DHRSX: variants seen among roughly 807,000 people sequenced by gnomAD.
DHRSX encodes the protein dehydrogenase/reductase X-linked.
In DHRSX, 31 loss-of-function variants were observed where a neutral mutation model predicts 34.0. That is an observed-to-expected ratio of 0.91 (90% CI 0.69 to 1.23). DHRSX has a LOEUF of 1.23. DHRSX is among the 50% of genes most tolerant of loss of function. The pLI is 0.00. For synonymous variants in DHRSX, 201 were observed against 183.8 expected (o/e 1.09, Z -0.76); for missense variants, 414 against 428.1 (o/e 0.97, Z 0.29).
intron 1 of DHRSX, chrX:2,487,188 C>T (rs2081867813): frequency 6.6e-6 from 1 of 152,180 alleles, no homozygotes; most frequent in South Asian, 2.1e-4. Context: ...AAAACCCCTC[C>T]GGGGGCAATA....
chrX:2,299,118 T>C (rs1174218748), intron 3 of DHRSX, among the ~76,000 whole-genome samples: 1 of 151,986 alleles, frequency 6.6e-6, no homozygotes, highest in African/African-American at 2.4e-5. Flanking sequence ...AGTGACGAGA[T>C]GCTCCATTTA....
chrX:2,334,372 C>G (rs754482772), intron 3 of DHRSX: 2 of 152,060 alleles, frequency 1.3e-5, no homozygotes, highest in East Asian at 3.9e-4. Flanking sequence ...ACCATGTTCG[C>G]TAGACTGGTC....
intron 1 of DHRSX, among the ~76,000 whole-genome samples, chrX:2,437,698 AGTGTGTGT>A (rs57675169): frequency 4.0e-4 from 40 of 98,840 alleles, no homozygotes; most frequent in Non-Finnish European, 6.8e-4. Flanking sequence ...AGAGAGAGAG[AGTGTGTGT>A]GTGTGTGTGT....
At chrX:2,480,827 A>G (rs1171206747) in intron 1 of DHRSX, among the ~76,000 whole-genome samples, 3 of 152,170 alleles carry the variant, frequency 2.0e-5, no homozygotes, top group African/African-American at 7.2e-5. Flanking sequence ...AAAAAAATAA[A>G]TTACATTAAA....
intron 5 of DHRSX, among the ~76,000 whole-genome samples, chrX:2,246,736 GAAAGAAAGAAAGAA>G (rs1252253354): frequency 8.9e-6 from 1 of 112,010 alleles, no homozygotes; most frequent in African/African-American, 2.8e-5. Flanking sequence ...AAGAAAGAAA[GAAAGAAAGAAAGAA>G]AAAGAAAGAA....
chrX:2,443,635 C>T (rs1195692347), intron 1 of DHRSX, among the ~76,000 whole-genome samples: 1 of 152,084 alleles, frequency 6.6e-6, no homozygotes, highest in East Asian at 1.9e-4. Context: ...GTTACACTCA[C>T]CTGGAAGCAA....
At chrX:2,342,659 CAGT>C (rs1193602284) in intron 3 of DHRSX, among the ~76,000 whole-genome samples, 3 of 152,176 alleles carry the variant, frequency 2.0e-5, no homozygotes, top group Non-Finnish European at 2.9e-5. Flanking sequence ...CAAGATGCAG[CAGT>C]AGGTCACTGA....
At chrX:2,332,753 A>G (rs2042496309) in intron 3 of DHRSX, among the ~76,000 whole-genome samples, 2 of 152,170 alleles carry the variant, frequency 1.3e-5, no homozygotes, top group South Asian at 4.1e-4. Flanking sequence ...CTTCCAGAGA[A>G]CCAAAGCAGG....
chrX:2,500,346 C>T (rs1357532560), intron 1 of DHRSX: 1 of 181,454 alleles, frequency 5.5e-6, no homozygotes, highest in Non-Finnish European at 1.2e-5. Context: ...CCTGGGACGC[C>T]CGCTCCTCCC....
intron 3 of DHRSX, among the ~76,000 whole-genome samples, chrX:2,345,288 G>T (rs2042690685): frequency 1.3e-5 from 2 of 152,006 alleles, no homozygotes; most frequent in African/African-American, 4.8e-5. Context: ...TCGAAATCAG[G>T]AGACTTTGAG....
intron 3 of DHRSX, among the ~76,000 whole-genome samples, chrX:2,348,286 A>G (rs2124571450): frequency 6.6e-6 from 1 of 152,288 alleles, no homozygotes; most frequent in South Asian, 2.1e-4. Flanking sequence ...GAAGAAAGTG[A>G]TCACTAAGCT....
At chrX:2,285,767 T>C (rs1357368601) in intron 4 of DHRSX, among the ~76,000 whole-genome samples, 1 of 152,158 alleles carries the variant, frequency 6.6e-6, no homozygotes, top group Non-Finnish European at 1.5e-5. Context: ...ACCAGCAATA[T>C]CCCAAACATA....
rs1556503650 is a variant in DHRSX, at chrX:2,393,733, T to TGC, written c.286+15010_286+15011dup. ...GACACACAGGGACCTCCCCGTCTCCTGCACACACGACACACAGGGACCTCC... is the reference window on the plus strand; with the variant it reads ...GACACACAGGGACCTCCCCGTCTCCTGCGCACACACGACACACAGGGACCTCC... On this transcript the variant is annotated intron_variant, in intron 3 of 6. Transcript: ENST00000334651. 2.0e-3 allele frequency among the ~76,000 whole-genome samples: 150 copies of TGC among 73,824 alleles called. 31 individuals carry two copies. The highest frequency in any genetic ancestry group is 0.014 in the East Asian group (35 of 2,426). The allele number at this position is 73,824 out of a possible 152,430, so 48.4% of individuals were successfully genotyped here. A position where few individuals can be genotyped will look rare whatever the true frequency, so the allele number is the denominator to read the frequency against.
At chrX:2,246,316 T>A (rs1294026067) in intron 5 of DHRSX, among the ~76,000 whole-genome samples, 1 of 152,106 alleles carries the variant, frequency 6.6e-6, no homozygotes, top group Non-Finnish European at 1.5e-5. Context: ...ACAAAAGCTG[T>A]TCCTAAATAA....
rs186826145 is a variant in DHRSX at position 2,318,464 on chromosome X, G to C, written c.287-26861C>G. Among the ~76,000 whole-genome samples, 328 of 151,798 alleles carry C rather than the reference G, an allele frequency of 2.2e-3. 1 individual carries two copies. Among genetic ancestry groups the C allele is most frequent in the African/African-American group, 7.3e-3 (300 of 41,178 alleles). Reference sequence around the variant, plus strand: ...GACCTTGTTGATAAAACAGGTTGTGGTAAAGAAGCTGGCCAAACCCCATGC... The same window carrying C: ...GACCTTGTTGATAAAACAGGTTGTGCTAAAGAAGCTGGCCAAACCCCATGC... On this transcript the variant is annotated intron_variant, in intron 3 of 6. Transcript: ENST00000334651.
At chrX:2,284,840 C>G (rs1367497718) in intron 4 of DHRSX, among the ~76,000 whole-genome samples, 1 of 152,144 alleles carries the variant, frequency 6.6e-6, no homozygotes, top group Non-Finnish European at 1.5e-5. Context: ...TTTCAACCCA[C>G]TAGCAAATGA....
At chrX:2,334,170 C>CCTTTTTTTTTTTTT (rs1556478486) in intron 3 of DHRSX, 1 of 105,112 alleles carries the variant, frequency 9.5e-6, no homozygotes, top group Non-Finnish European at 1.9e-5. Flanking sequence ...CAAAAGTATG[C>CCTTTTTTTTTTTTT]TTTTTTTTTT....
At chrX:2,316,005 G>C (rs1192654039) in intron 3 of DHRSX, among the ~76,000 whole-genome samples, 2 of 152,090 alleles carry the variant, frequency 1.3e-5, no homozygotes, top group African/African-American at 2.4e-5. Context: ...GGGATTACAG[G>C]TGCCTGCCAC....
chrX:2,299,859 A>C (rs2041990968), intron 3 of DHRSX, among the ~76,000 whole-genome samples: 1 of 152,072 alleles, frequency 6.6e-6, no homozygotes. Flanking sequence ...TGTCTCAAAA[A>C]AAAAAAAAGA....
Sources: allele counts gnomAD v4.1 joint callset (sites outside exome capture counted in the v4.1 genomes callset), GRCh38; gene constraint gnomAD v4.1.1; transcripts MANE v1.5; gene names NCBI Gene and HGNC (gene_info 2026-07-23, HGNC 2026-07-21).